Variants in EFHD1 observed in about 807,000 individuals in gnomAD.
EFHD1 encodes the protein EF-hand domain family member D1, also known as EF-hand domain-containing protein D1.
A neutral mutation model predicts 17.2 loss-of-function variants in EFHD1; 10 were observed. That is an observed-to-expected ratio of 0.58 (90% confidence interval 0.36 to 0.99). EFHD1 has a LOEUF of 0.99. Among genes scored for constraint, EFHD1 ranks in the 50% least tolerant of loss-of-function variants. The probability of loss-of-function intolerance (pLI) is 0.01; values close to 1 mark genes in which losing one functional copy is unlikely to be tolerated. For missense variants in EFHD1, 310 were observed against 327.5 expected, an observed-to-expected ratio of 0.95 and a Z score of 0.41; for synonymous variants, 153 against 142.0, an observed-to-expected ratio of 1.08 and a Z score of -0.55.
At chr2:232,606,264 G>T in intron 1 of EFHD1, 2 of 1,459,158 alleles carry the variant, frequency 1.4e-6, no homozygotes, top group South Asian at 2.4e-5. Flanking sequence ...GAATAGGTGC[G>T]CGGTAATTCC....
chr2:232,631,958 A>G (rs988105261), upstream of EFHD1, among the ~76,000 whole-genome samples: 1 of 151,804 alleles, frequency 6.6e-6, no homozygotes, highest in African/African-American at 2.4e-5. Flanking sequence ...AGCCGAGATC[A>G]TGCCATTGCA....
At chr2:232,672,783 G>A (rs1695103369) in intron 3 of EFHD1, among the ~76,000 whole-genome samples, 1 of 152,236 alleles carries the variant, frequency 6.6e-6, no homozygotes. Context: ...GGTATGGGCT[G>A]TTGGGACTCT....
At position 232,662,867 on chromosome 2, in the gene EFHD1, G is replaced by C. The variant is rs1461553972; in HGVS notation, c.368G>C (p.Gly123Ala). 2 of 1,594,112 alleles carry C rather than the reference G, an allele frequency of 1.3e-6. No individual in the cohort carries two copies. Among genetic ancestry groups the C allele is most frequent in the East Asian group, 2.3e-5 (1 of 42,570 alleles). The change falls in exon 2 of 4, where the codon GGG (glycine) becomes GCG (alanine). Residue 123 changes from glycine (G) to alanine (A), a missense_variant. Transcript: ENST00000264059. ...MELKLMMEKL[G>A]APQTHLGLKS... ...CTGAAGCTGATGATGGAGAAGCTGG[G>C]GGCCCCCCAGACCCACCTGGGCCTG...
chr2:232,659,029 G>T (rs999684171), intron 1 of EFHD1, among the ~76,000 whole-genome samples: 3 of 151,904 alleles, frequency 2.0e-5, no homozygotes, highest in Non-Finnish European at 4.4e-5. Flanking sequence ...CCGTCCTCTG[G>T]CAACACTAGA....
intron 3 of EFHD1, among the ~76,000 whole-genome samples, chr2:232,675,180 G>GA (rs201545634): frequency 2.9e-5 from 1 of 34,908 alleles, no homozygotes; most frequent in African/African-American, 1.2e-4. Flanking sequence ...CACCTCAAAA[G>GA]AAAAAAAAGA....
At chr2:232,670,610 A>G (rs1031821853) in intron 2 of EFHD1, among the ~76,000 whole-genome samples, 4 of 151,974 alleles carry the variant, frequency 2.6e-5, no homozygotes, top group African/African-American at 9.7e-5. Context: ...TTAATGATTA[A>G]CCTCACATGA....
chr2:232,612,530 T>A (rs1693829834), intron 1 of EFHD1, among the ~76,000 whole-genome samples: 2 of 152,018 alleles, frequency 1.3e-5, no homozygotes, highest in Non-Finnish European at 2.9e-5. Context: ...ACGGACCCCA[T>A]CATCAGACAT....
At chr2:232,639,636 T>C (rs10177892) in intron 1 of EFHD1, among the ~76,000 whole-genome samples, 63,213 of 151,932 alleles carry the variant, frequency 0.42, 13,604 homozygotes, top group Non-Finnish European at 0.47. Flanking sequence ...CATGGGGCTA[T>C]GTTCTGCATG....
chr2:232,647,025 G>C (rs1359684815), intron 1 of EFHD1, among the ~76,000 whole-genome samples: 1 of 152,266 alleles, frequency 6.6e-6, no homozygotes, highest in Admixed American at 6.5e-5. Flanking sequence ...GTGGGGTCAT[G>C]CGGTTCCCTC....
At chr2:232,677,723 A>C (rs1695204653) in intron 3 of EFHD1, among the ~76,000 whole-genome samples, 1 of 151,902 alleles carries the variant, frequency 6.6e-6, no homozygotes, top group Non-Finnish European at 1.5e-5. Context: ...ACCTTGTCTC[A>C]AAAAAAAGAC....
chr2:232,613,845 C>T lies in EFHD1; in HGVS notation c.14+7672C>T, dbSNP rs571476057. ...ACACACAAATATACACACATACACA[C>T]ACAAATATATACACACATAGACAAA... is the stretch of plus-strand genomic sequence containing the variant. On this transcript the variant is annotated intron_variant, in intron 1 of 3. Transcript: ENST00000409613. Among the ~76,000 whole-genome samples, 99 of 151,542 alleles carry T rather than the reference C, an allele frequency of 6.5e-4. 2 individuals carry two copies. In the East Asian group the frequency reaches 0.019, roughly 30 times the overall value.
upstream of EFHD1, among the ~76,000 whole-genome samples, chr2:232,629,144 T>G (rs1694158041): frequency 6.6e-6 from 1 of 152,190 alleles, no homozygotes; most frequent in Non-Finnish European, 1.5e-5. Context: ...CCCACAAAAC[T>G]CTGCCCAAAT....
intron 1 of EFHD1, chr2:232,638,182 A>T (rs577851110): frequency 2.8e-6 from 1 of 355,760 alleles, no homozygotes; most frequent in Non-Finnish European, 5.7e-6. Flanking sequence ...GAGCTGGTGG[A>T]GCAGTCAAGG....
chr2:232,625,984 G>A (rs979188155), intron 1 of EFHD1, among the ~76,000 whole-genome samples: 4 of 151,688 alleles, frequency 2.6e-5, no homozygotes, highest in Non-Finnish European at 5.9e-5. Flanking sequence ...TGAGCTCAAG[G>A]TTCCAGATCA....
At chr2:232,620,565 T>C (rs1033268246) in intron 1 of EFHD1, among the ~76,000 whole-genome samples, 1 of 151,426 alleles carries the variant, frequency 6.6e-6, no homozygotes, top group Non-Finnish European at 1.5e-5. Context: ...TTTTTTTTGG[T>C]AGAGACAGGG....
At chr2:232,607,937 T>A (rs1693750781) in intron 1 of EFHD1, among the ~76,000 whole-genome samples, 1 of 150,976 alleles carries the variant, frequency 6.6e-6, no homozygotes, top group South Asian at 2.1e-4. Context: ...CTATTTTTTT[T>A]AATTAATTAA....
At chr2:232,675,878 C>G (rs962242142) in intron 3 of EFHD1, among the ~76,000 whole-genome samples, 5 of 151,982 alleles carry the variant, frequency 3.3e-5, no homozygotes, top group African/African-American at 1.2e-4. Context: ...TATTTTTCAT[C>G]AAGACCAGCC....
intron 1 of EFHD1, among the ~76,000 whole-genome samples, chr2:232,647,793 C>T (rs566124642): frequency 2.6e-5 from 4 of 152,226 alleles, no homozygotes; most frequent in African/African-American, 9.6e-5. Context: ...CCCACCACCA[C>T]ACCCGGCTAA....
At chr2:232,647,949 T>G (rs1165922729) in intron 1 of EFHD1, among the ~76,000 whole-genome samples, 3 of 152,092 alleles carry the variant, frequency 2.0e-5, no homozygotes, top group Admixed American at 2.0e-4. Context: ...CTTTCAGAAC[T>G]TTTATGCAGA....
Sources: allele counts gnomAD v4.1 joint callset (sites outside exome capture counted in the v4.1 genomes callset), GRCh38; gene constraint gnomAD v4.1.1; transcripts MANE v1.5; gene names NCBI Gene and HGNC (gene_info 2026-07-23, HGNC 2026-07-21).